The following TTN variants were observed in gnomAD, a reference collection of about 807,000 sequenced individuals.
TTN encodes the protein connectin.
TTN carries 1,525 observed loss-of-function variants against 3,223.0 expected under a neutral mutation model. The observed-to-expected ratio is 0.47, with a 90% CI of 0.45 to 0.49. The LOEUF (loss-of-function observed/expected upper bound fraction) is 0.49. TTN is among the 20% of genes least tolerant of loss of function. The pLI is 0.00. For missense variants in TTN, 40,786 were observed against 43,424.0 expected, an observed-to-expected ratio of 0.94 and a Z score of 5.40; for synonymous variants, 14,094 against 15,161.0, an observed-to-expected ratio of 0.93 and a Z score of 5.17.
At position 178,680,260 on chromosome 2, in the gene TTN, C is replaced by G. The variant is rs777961973; in HGVS notation, c.33412G>C (p.Val11138Leu). The G allele has an allele frequency of 3.1e-6, 5 of 1,612,108 alleles. No homozygotes were observed. The South Asian group carries it at 5.5e-5, about 18-fold the overall frequency. ...AATGAGTGCCATTAGGTACCTCTAA[C>G]AGGTGGTGCTACTTCTTTTCTAGGG... Reference protein sequence around the residue: ...PVPRKEVAPPVRVPEVPKELE... With the variant: ...PVPRKEVAPPLRVPEVPKELE... The change falls in exon 139 of 363, where the codon GTT (valine) becomes CTT (leucine). Residue 11138 changes from valine (V) to leucine (L), a missense_variant. Transcript: ENST00000589042.
rs1210276055 is a variant in TTN, at chr2:178,544,296, C to T, written c.95933G>A (p.Gly31978Asp). The T allele has an allele frequency of 2.5e-6, 4 of 1,613,760 alleles. No homozygotes were observed. The South Asian group carries it at 3.3e-5, about 13-fold the overall frequency. Residue 31978 changes from glycine (G) to aspartate (D), a missense_variant, in exon 345 of 363, where the codon GGC (glycine) becomes GAC (aspartate). Physicochemically the swap from Gly to Asp is moderately conservative, Grantham distance 94. Transcript: ENST00000589042. ...AGCAACTCTGAAGGAATATTTCTGGCCCATTTTAAGGTCTGGCACAGTGAA... is the reference window on the plus strand; with the variant it reads ...AGCAACTCTGAAGGAATATTTCTGGTCCATTTTAAGGTCTGGCACAGTGAA... ...TEFTVPDLKM[G>D]QKYSFRVAAV...
At position 178,664,723 on chromosome 2, in the gene TTN, G is replaced by C; in HGVS notation, c.36133C>G (p.Gln12045Glu). ...PPSVKVPEALQEIVPEKKTLV... is the reference protein window; with the variant it reads ...PPSVKVPEALEEIVPEKKTLV... ...GTTTTCTTTTCAGGGACAATTTCTT[G>C]GAGAGCTTCAGGCACTTTAAGAAAT... Residue 12045 changes from glutamine (Q) to glutamate (E), a missense_variant, in exon 167 of 363, where the codon CAA becomes GAA. By Grantham distance (29) the Gln-to-Glu change is conservative. Transcript: ENST00000589042. The C allele has an allele frequency of 6.2e-7, 1 of 1,612,116 alleles. No individual in the cohort carries two copies. The highest frequency in any genetic ancestry group is 8.5e-7 in the Non-Finnish European group (1 of 1,179,588).
At chr2:178,581,282 T>C (rs2047679642) in intron 316 of TTN, among the ~76,000 whole-genome samples, 1 of 152,036 alleles carries the variant, frequency 6.6e-6, no homozygotes, top group African/African-American at 2.4e-5. Context: ...GAAATTCTTA[T>C]ATATATGAAA....
At chr2:178,727,042 G>A in intron 69 of TTN, 48 bp downstream of exon 69, 1 of 1,406,114 alleles carries the variant, frequency 7.1e-7, no homozygotes, top group Non-Finnish European at 9.3e-7. Flanking sequence ...ATACCCAGGG[G>A]AGAAGGTGGT....
In TTN at chr2:178,547,024, T is replaced by G; in HGVS notation, c.94501A>C (p.Ile31501Leu). The G allele has an allele frequency of 6.2e-7, 1 of 1,612,228 alleles. No individual in the cohort carries two copies. The highest frequency in any genetic ancestry group is 8.5e-7 in the Non-Finnish European group (1 of 1,178,614). The change falls in exon 340 of 363, where the codon ATA (isoleucine) becomes CTA (leucine). Residue 31501 changes from isoleucine to leucine, a missense_variant. Ile to Leu is a conservative substitution (Grantham distance 5). Coordinates refer to ENST00000589042, the MANE Select transcript of TTN (RefSeq NM_001267550.2). Reference sequence around the variant, plus strand: ...ATACCAACTGGATTTTGAGCCATTATAGGTCTTGAAGCTTCGCTGGCCTTG... The same window carrying G: ...ATACCAACTGGATTTTGAGCCATTAGAGGTCTTGAAGCTTCGCTGGCCTTG... ...VSKASEASRP[I>L]MAQNPVDAPG...
chr2:178,612,835 T>G lies in TTN; in HGVS notation c.49886A>C (p.Asn16629Thr). The G allele has an allele frequency of 1.2e-6, 2 of 1,612,550 alleles. No individual in the cohort carries two copies. The highest frequency in any genetic ancestry group is 4.5e-5 in the East Asian group (2 of 44,532). Residue 16629 changes from asparagine to threonine, a missense_variant, in exon 265 of 363, where the codon AAT (asparagine) becomes ACT (threonine). Asn to Thr is a moderately conservative substitution (Grantham distance 65). Coordinates refer to ENST00000589042, the MANE Select transcript of TTN (RefSeq NM_001267550.2). ...QEYSFRVRAV[N>T]KAGESEPSEP... ...ACTGGGTTCACTTTCCCCAGCCTTATTCACAGCTCTAACTCGGAATGAGTA... is the reference window on the plus strand; with the variant it reads ...ACTGGGTTCACTTTCCCCAGCCTTAGTCACAGCTCTAACTCGGAATGAGTA...
intron 53 of TTN, 39 bp downstream of exon 53, chr2:178,733,575 C>A (rs2080928663): frequency 1.3e-6 from 2 of 1,596,176 alleles, no homozygotes; most frequent in African/African-American, 2.7e-5. Flanking sequence ...CACTTTAATT[C>A]TAAATAGCAA....
At chr2:178,793,568 A>G in intron 8 of TTN, 27 bp from the exon 9 acceptor site, 1 of 1,612,120 alleles carries the variant, frequency 6.2e-7, no homozygotes, top group Non-Finnish European at 8.5e-7. Flanking sequence ...AAGGAAGAAA[A>G]CACCTTAATG....
chr2:178,783,516 T>C (rs947390650), intron 17 of TTN, among the ~76,000 whole-genome samples: 1 of 152,212 alleles, frequency 6.6e-6, no homozygotes, highest in Non-Finnish European at 1.5e-5. Context: ...AATCCATGAA[T>C]GATGTACCAC....
In TTN at chr2:178,551,729, C is replaced by G. The variant is rs758395481; in HGVS notation, c.91171G>C (p.Glu30391Gln). Residue 30391 changes from glutamate (E) to glutamine (Q), a missense_variant, in exon 335 of 363, where the codon GAA becomes CAA. Coordinates refer to ENST00000589042, the MANE Select transcript of TTN (RefSeq NM_001267550.2). Reference sequence around the variant, plus strand: ...ACACGGAATTGGTAATCCAGACCTTCTACCAGTCCAGTGGCTCTATATTCT... The same window carrying G: ...ACACGGAATTGGTAATCCAGACCTTGTACCAGTCCAGTGGCTCTATATTCT... ...GREYRATGLV[E>Q]GLDYQFRVYA... 1.9e-6 allele frequency: 3 copies of G among 1,613,712 alleles called. No homozygotes were observed. Among genetic ancestry groups the G allele is most frequent in the Admixed American group, 1.7e-5 (1 of 59,996 alleles).
At chr2:178,762,017 G>T (rs552879580) in intron 43 of TTN, among the ~76,000 whole-genome samples, 1 of 151,958 alleles carries the variant, frequency 6.6e-6, no homozygotes, top group Admixed American at 6.6e-5. Flanking sequence ...TAACATTTTC[G>T]CTGTTAGAAA....
rs72646808 is a variant in TTN at position 178,607,592 on chromosome 2, C to T, written c.53096G>A (p.Arg17699His). Reference protein sequence around the residue: ...TLRIPAVVTGRPVPTKVWTKE... With the variant: ...TLRIPAVVTGHPVPTKVWTKE... ...GGTCCATACTTTTGTAGGTACAGGG[C>T]GACCAGTCACCACAGCTGGAATTCT... The change falls in exon 277 of 363, where the codon CGC (arginine) becomes CAC (histidine). Residue 17699 changes from arginine (R) to histidine (H), a missense_variant. Coordinates refer to ENST00000589042, the MANE Select transcript of TTN (RefSeq NM_001267550.2). 2.2e-3 allele frequency: 3,616 copies of T among 1,613,116 alleles called. 3 individuals carry two copies. Among genetic ancestry groups the T allele is most frequent in the Non-Finnish European group, 2.7e-3 (3,156 of 1,179,376 alleles).
chr2:178,746,662 T>C (rs1183255909), intron 47 of TTN: 1 of 1,613,428 alleles, frequency 6.2e-7, no homozygotes, highest in East Asian at 2.2e-5. Flanking sequence ...CTTCTCCTTT[T>C]TGAATGTTAG....
At position 178,589,560 on chromosome 2, in the gene TTN, C is replaced by T. The variant is rs568728579; in HGVS notation, c.62165G>A (p.Ser20722Asn). 1.2e-6 allele frequency: 2 copies of T among 1,613,138 alleles called. No homozygotes were observed. The highest frequency in any genetic ancestry group is 1.7e-6 in the Non-Finnish European group (2 of 1,179,596). Reference protein sequence around the residue: ...SDDWERVHKGSIKETHYMVDR... With the variant: ...SDDWERVHKGNIKETHYMVDR... ...AACCATGTAGTGAGTTTCTTTAATGCTTCCTTTATGCACTCTTTCCCAGTC... is the reference window on the plus strand; with the variant it reads ...AACCATGTAGTGAGTTTCTTTAATGTTTCCTTTATGCACTCTTTCCCAGTC... The change falls in exon 304 of 363, where the codon AGC becomes AAC. Residue 20722 changes from serine to asparagine, a missense_variant. By Grantham distance (46) the Ser-to-Asn change is conservative. Transcript: ENST00000589042.
Position 178,580,107 on chromosome 2 carries a change from G to T in TTN, c.67180C>A (p.Arg22394Ser). Residue 22394 changes from arginine (R) to serine (S), a missense_variant, in exon 318 of 363, where the codon CGT (arginine) becomes AGT (serine). Coordinates refer to ENST00000589042, the MANE Select transcript of TTN (RefSeq NM_001267550.2). ...SPIINYVVQK[R>S]DAERKSWSTV... The stretch of plus-strand genomic sequence containing the variant: ...GACCAGGATTTCCTCTCTGCATCAC[G>T]TTTTTGTACCACATAGTTTATGATG... 1 of 1,613,332 alleles carries T rather than the reference G, an allele frequency of 6.2e-7. No homozygotes were observed. Among genetic ancestry groups the T allele is most frequent in the South Asian group, 1.1e-5 (1 of 91,074 alleles).
rs748917636 is a variant in TTN, at chr2:178,730,168, C to T, written c.18232G>A (p.Asp6078Asn). ...AGTTGGCAAATGTAGGTTCCAGAAT[C>T]GGTAGCTTTGGCTGCAAAGAGCTCT... ...SLELFAAKAT[D>N]SGTYICQLSN... The change falls in exon 62 of 363, where the codon GAT becomes AAT. Residue 6078 changes from aspartate to asparagine, a missense_variant. By Grantham distance (23) the Asp-to-Asn change is conservative. Coordinates refer to ENST00000589042, the MANE Select transcript of TTN (RefSeq NM_001267550.2). 1.4e-5 allele frequency: 23 copies of T among 1,613,230 alleles called. No homozygotes were observed. Among genetic ancestry groups the T allele is most frequent in the East Asian group, 1.3e-4 (6 of 44,786 alleles).
In TTN at chr2:178,739,774, T is replaced by A. The variant is rs1553937057; in HGVS notation, c.13459A>T (p.Ile4487Phe). The A allele has an allele frequency of 6.2e-7, 1 of 1,613,916 alleles. No individual in the cohort carries two copies. The highest frequency in any genetic ancestry group is 2.2e-5 in the East Asian group (1 of 44,864). The change falls in exon 48 of 363, where the codon ATC becomes TTC. Residue 4487 changes from isoleucine to phenylalanine, a missense_variant. Transcript: ENST00000589042. ...LCAIIYEEID[I>F]LTAEGPRIQQ... ...ATTCTAGGACCCTCAGCTGTTAGGA[T>A]GTCTATTTCCTCATATATAATAGCA... is the stretch of plus-strand genomic sequence containing the variant.
At chr2:178,753,232 T>G in intron 46 of TTN, 52 bp from the exon 47 acceptor site, 1 of 1,384,848 alleles carries the variant, frequency 7.2e-7, no homozygotes, top group Non-Finnish European at 1.0e-6. Context: ...GCATATATTT[T>G]CTGCATCAAT....
intron 120 of TTN, among the ~76,000 whole-genome samples, 173 bp downstream of exon 120, chr2:178,692,324 G>T (rs1311901806): frequency 1.3e-5 from 2 of 152,018 alleles, no homozygotes; most frequent in Non-Finnish European, 2.9e-5. Flanking sequence ...CTGGAGTTTA[G>T]AAATGTTACC....
Sources: allele counts gnomAD v4.1 joint callset (sites outside exome capture counted in the v4.1 genomes callset), GRCh38; gene constraint gnomAD v4.1.1; transcripts MANE v1.5; gene names NCBI Gene and HGNC (gene_info 2026-07-23, HGNC 2026-07-21).